The following PAK1 variants were observed in gnomAD, a reference collection of about 807,000 sequenced individuals.
PAK1 encodes serine/threonine-protein kinase PAK 1.
PAK1 carries 29 observed loss-of-function variants against 67.4 expected under a neutral mutation model. The observed-to-expected ratio is 0.43, with a 90% CI of 0.32 to 0.59. The LOEUF is 0.59. Ranked by LOEUF, PAK1 falls within the 20% of genes least tolerant of loss-of-function variation. PAK1 has a pLI of 0.07. For synonymous variants in PAK1, 223 were observed against 237.4 expected (o/e 0.94, Z 0.56); for missense variants, 337 against 670.7 (o/e 0.50, Z 5.50).
intron 1 of PAK1, among the ~76,000 whole-genome samples, chr11:77,451,063 GA>G: frequency 6.6e-6 from 1 of 152,274 alleles, no homozygotes; most frequent in Middle Eastern, 3.4e-3. Flanking sequence ...AGACTTTAGG[GA>G]AACCATTTGA....
the PAK1 span, among the ~76,000 whole-genome samples, chr11:77,485,251 G>C: frequency 6.6e-6 from 1 of 152,166 alleles, no homozygotes; most frequent in African/African-American, 2.4e-5. Context: ...TCTAGTATTT[G>C]ATACCACAAC....
At position 77,337,436 on chromosome 11, in the gene PAK1, T is replaced by C; in HGVS notation, c.1117-13A>G. On this transcript the variant is annotated splice_polypyrimidine_tract_variant and intron_variant, in intron 11 of 14. Transcript: ENST00000356341. ...GAGCCTGCAGACACTATTGAAGTGGTGTGGGCAGGGGGAGAAAGAAAGGAC... is the reference window on the plus strand; with the variant it reads ...GAGCCTGCAGACACTATTGAAGTGGCGTGGGCAGGGGGAGAAAGAAAGGAC... 6.7e-7 allele frequency: 1 copy of C among 1,481,782 alleles called. No individual in the cohort carries two copies. The highest frequency in any genetic ancestry group is 9.4e-7 in the Non-Finnish European group (1 of 1,062,502). The allele number at this position is 1,481,782 out of a possible 1,614,324, so 91.8% of individuals were successfully genotyped here.
intron 13 of PAK1, among the ~76,000 whole-genome samples, chr11:77,335,360 C>T (rs2136166341): frequency 6.6e-6 from 1 of 152,328 alleles, no homozygotes; most frequent in Non-Finnish European, 1.5e-5. Flanking sequence ...CCAATTAACA[C>T]TTCAAATCAG....
At chr11:77,345,982 ACTTTTT>A (rs942957993) in intron 9 of PAK1, among the ~76,000 whole-genome samples, 1 of 152,002 alleles carries the variant, frequency 6.6e-6, no homozygotes, top group Non-Finnish European at 1.5e-5. Flanking sequence ...TTTTCTTTTT[ACTTTTT>A]CTTTTAATAC....
chr11:77,492,541 CTTT>C, the PAK1 span, among the ~76,000 whole-genome samples: 15 of 106,102 alleles, frequency 1.4e-4, no homozygotes, highest in Non-Finnish European at 1.2e-4. Context: ...TGAGGTGGGT[CTTT>C]TTTTTTTTTT....
chr11:77,337,274 C>T (rs1382102739), intron 12 of PAK1, 50 bp downstream of exon 12: 4 of 904,236 alleles, frequency 4.4e-6, no homozygotes, highest in East Asian at 4.9e-5. Context: ...TCACAGGAGA[C>T]AGGGCCCCAC....
chr11:77,456,609 C>T (rs1957088098), intron 1 of PAK1, among the ~76,000 whole-genome samples: 1 of 152,156 alleles, frequency 6.6e-6, no homozygotes, highest in South Asian at 2.1e-4. Context: ...GCTTCTCTAT[C>T]CTGTAATGAT....
chr11:77,512,190 C>T, the PAK1 span, among the ~76,000 whole-genome samples: 5 of 152,164 alleles, frequency 3.3e-5, no homozygotes, highest in African/African-American at 1.2e-4. Flanking sequence ...TGATAGTCCA[C>T]TCCAGACAGC....
At chr11:77,345,079 A>G (rs1333151948) in intron 9 of PAK1, among the ~76,000 whole-genome samples, 1 of 152,098 alleles carries the variant, frequency 6.6e-6, no homozygotes, top group African/African-American at 2.4e-5. Context: ...CAAACCCAAT[A>G]TGCCTTTTCC....
intron 5 of PAK1, among the ~76,000 whole-genome samples, chr11:77,373,212 C>T (rs1278101283): frequency 1.3e-5 from 2 of 152,092 alleles, no homozygotes; most frequent in African/African-American, 2.4e-5. Flanking sequence ...GCATAACCAC[C>T]TATGTACAAG....
chr11:77,430,910 G>A (rs1480696791), intron 1 of PAK1, among the ~76,000 whole-genome samples: 1 of 152,202 alleles, frequency 6.6e-6, no homozygotes, highest in Non-Finnish European at 1.5e-5. Context: ...GGACAAGGGA[G>A]CAAAGCTGAG....
At chr11:77,369,725 G>A (rs1239460569) in intron 5 of PAK1, among the ~76,000 whole-genome samples, 1 of 152,060 alleles carries the variant, frequency 6.6e-6, no homozygotes, top group Non-Finnish European at 1.5e-5. Flanking sequence ...TGGGATTACA[G>A]GTGTGAGCAC....
At chr11:77,334,459 G>C (rs1272913861) in intron 13 of PAK1, among the ~76,000 whole-genome samples, 1 of 152,156 alleles carries the variant, frequency 6.6e-6, no homozygotes, top group Non-Finnish European at 1.5e-5. Context: ...CAGTGCACAG[G>C]GAATTCCTGC....
the PAK1 span, among the ~76,000 whole-genome samples, chr11:77,518,896 G>A: frequency 6.6e-6 from 1 of 152,112 alleles, no homozygotes; most frequent in Admixed American, 6.5e-5. Flanking sequence ...GAATCGTATT[G>A]TTTAAATGCC....
intron 14 of PAK1, among the ~76,000 whole-genome samples, chr11:77,332,068 C>T (rs918341429): frequency 1.5e-4 from 23 of 151,628 alleles, no homozygotes; most frequent in African/African-American, 4.8e-4. Context: ...TTTGGGAAAG[C>T]GAAGTGCGCA....
At chr11:77,369,148 T>G (rs1284724000) in intron 5 of PAK1, among the ~76,000 whole-genome samples, 1 of 152,192 alleles carries the variant, frequency 6.6e-6, no homozygotes, top group African/African-American at 2.4e-5. Flanking sequence ...ACATGAACTA[T>G]ATTCTCTTTG....
chr11:77,432,583 A>G (rs541840906), intron 1 of PAK1, among the ~76,000 whole-genome samples: 12 of 152,348 alleles, frequency 7.9e-5, no homozygotes, highest in Admixed American at 7.8e-4. Flanking sequence ...GCTTAAACCC[A>G]AGAAATCAAG....
chr11:77,370,681 G>A lies in PAK1; in HGVS notation c.477+3647C>T, dbSNP rs540852654. Among the ~76,000 whole-genome samples the A allele has an allele frequency of 3.6e-4, 55 of 152,174 alleles. 1 individual carries two copies. Among genetic ancestry groups the A allele is most frequent in the African/African-American group, 1.2e-3 (50 of 41,526 alleles). On this transcript the variant is annotated intron_variant, in intron 5 of 14. Coordinates refer to ENST00000356341, the MANE Select transcript of PAK1 (RefSeq NM_002576.5). ...GAATTCCTCACAACAGTTGATTTAT[G>A]TCATGCTTTTGTTTCAGAGCATTGC... is the stretch of plus-strand genomic sequence containing the variant.
intron 1 of PAK1, among the ~76,000 whole-genome samples, chr11:77,417,049 T>C (rs1001978744): frequency 2.6e-5 from 4 of 152,198 alleles, no homozygotes; most frequent in African/African-American, 7.2e-5. Flanking sequence ...ATGAGTAATG[T>C]GTTGCATTAA....
Sources: gnomAD v4.1 joint callset for allele counts (sites outside exome capture counted in the v4.1 genomes callset) on GRCh38, gnomAD v4.1.1 for gene constraint, MANE v1.5 for transcripts, NCBI Gene and HGNC (gene_info 2026-07-23, HGNC 2026-07-21) for gene names.